Variants in PPAN observed in about 807,000 individuals in gnomAD.
PPAN encodes suppressor of SWI4 1 homolog.
Under a neutral mutation model 48.5 loss-of-function variants are expected in PPAN, and 39 were observed. The observed-to-expected ratio is 0.80, with a 90% confidence interval of 0.62 to 1.05. The LOEUF (loss-of-function observed/expected upper bound fraction) is 1.05. Among genes scored for constraint, PPAN ranks in the 50% least tolerant of loss-of-function variants. PPAN has a pLI of 0.00. For synonymous variants in PPAN, 315 were observed against 268.6 expected (o/e 1.17, Z -1.69); for missense variants, 736 against 661.7 (o/e 1.11, Z -1.23).
rs1471297873 is a variant in PPAN, at chr19:10,106,493, C to T, written c.19-8C>T. ...GCGGCGCTGACCCTTTGTCTCTCGT[C>T]GCCGCAGTCCCGGCACCAGAAGCGC... On this transcript the variant is annotated splice_region_variant and splice_polypyrimidine_tract_variant and intron_variant, in intron 1 of 11. Transcript: ENST00000253107. The T allele has an allele frequency of 6.5e-7, 1 of 1,549,722 alleles. No homozygotes were observed. Among genetic ancestry groups the T allele is most frequent in the Non-Finnish European group, 8.7e-7 (1 of 1,146,226 alleles).
chr19:10,106,836 C>T, intron 2 of PPAN, 165 bp downstream of exon 2: 1 of 1,171,516 alleles, frequency 8.5e-7, no homozygotes, highest in East Asian at 2.7e-5. Flanking sequence ...TTTTGCTGGG[C>T]TGGAGTGAGG....
rs376685309 is a variant in PPAN, at chr19:10,107,970, C to T, written c.349C>T (p.Leu117=). ...TLTFQVKKYS[L]VRDVVSSLRR... ...CCTCTCTCCTGTCCTACAGTACTCG[C>T]TGGTGCGTGATGTGGTCTCCTCACT... Residue 117 remains leucine, a synonymous_variant, in exon 5 of 12, where the codon CTG becomes TTG. Transcript: ENST00000253107. 6.2e-7 allele frequency: 1 copy of T among 1,607,554 alleles called. No homozygotes were observed. Among genetic ancestry groups the T allele is most frequent in the Admixed American group, 1.7e-5 (1 of 59,546 alleles).
In PPAN at chr19:10,107,580, A is replaced by G. The variant is rs777533945; in HGVS notation, c.265A>G (p.Ser89Gly). 1 of 1,614,070 alleles carries G rather than the reference A, an allele frequency of 6.2e-7. No individual in the cohort carries two copies. The highest frequency in any genetic ancestry group is 8.5e-7 in the Non-Finnish European group (1 of 1,180,008). Residue 89 changes from serine (S) to glycine (G), a missense_variant, in exon 3 of 12, where the codon AGC (serine) becomes GGC (glycine). Ser to Gly is a moderately conservative substitution (Grantham distance 56). Transcript: ENST00000253107. ...CGGGGTCACACACTTTCTGATCCTG[A>G]GCAAAACAGAGACCAATGTCTACTT... The part of the protein sequence containing the change: ...PLGVTHFLIL[S>G]KTETNVYFKL...
At chr19:10,108,172 T>C in intron 5 of PPAN, 38 bp downstream of exon 5, 1 of 1,575,492 alleles carries the variant, frequency 6.3e-7, no homozygotes, top group Non-Finnish European at 8.6e-7. Context: ...TATGGGGGGG[T>C]GCAGCGGATA....
At chr19:10,109,463 G>C (rs2088962757) in intron 5 of PPAN, among the ~76,000 whole-genome samples, 168 bp from the exon 6 acceptor site, 1 of 152,172 alleles carries the variant, frequency 6.6e-6, no homozygotes, top group Non-Finnish European at 1.5e-5. Flanking sequence ...GGCTCAGGCA[G>C]TCCCACCACT....
In PPAN at chr19:10,111,296, A is replaced by G. The variant is rs536806970; in HGVS notation, c.*131A>G. 3.5e-6 allele frequency: 4 copies of G among 1,127,756 alleles called. No individual in the cohort carries two copies. In the Admixed American group the frequency reaches 8.7e-5, roughly 24 times the overall value. 69.9% of individuals were successfully genotyped at this position (1,127,756 alleles called of 1,614,324 possible). ...ACTCCAGTAAAGAACTGAATTGGCC[A>G]GGGGTCCACGTCAGCGTTTGGGATG... On this transcript the variant is annotated 3_prime_UTR_variant, in exon 12 of 12. Coordinates refer to ENST00000253107, the MANE Select transcript of PPAN (RefSeq NM_020230.7).
chr19:10,110,225 G>C lies in PPAN; in HGVS notation c.801G>C (p.Gln267His), dbSNP rs1437332290. Residue 267 changes from glutamine to histidine, a missense_variant, in exon 8 of 12, where the codon CAG becomes CAC. Transcript: ENST00000253107. The surrounding 1 kb of genome is among the most constrained non-coding windows in gnomAD (Gnocchi z 5.9). The part of the protein sequence containing the change: ...VAGRGNMRAQ[Q>H]SAVRLTEIGP... Reference sequence around the variant, plus strand: ...GCCGTGGCAACATGCGGGCCCAGCAGAGTGCAGTGCGGCTCACCGAGGTGA... The same window carrying C: ...GCCGTGGCAACATGCGGGCCCAGCACAGTGCAGTGCGGCTCACCGAGGTGA... 1 of 1,611,450 alleles carries C rather than the reference G, an allele frequency of 6.2e-7. No individual in the cohort carries two copies. Among genetic ancestry groups the C allele is most frequent in the Non-Finnish European group, 8.5e-7 (1 of 1,179,782 alleles).
At position 10,111,517 on chromosome 19, in the gene PPAN, A is replaced by G. The variant is rs1309892357; in HGVS notation, c.*352A>G. On this transcript the variant is annotated 3_prime_UTR_variant, in exon 12 of 12. Transcript: ENST00000253107. ...AAAGAGCCGTGCAAGCAGACAGGTC[A>G]CACTTTCAGCAGATGAGCTTGAACC... The G allele has an allele frequency of 4.6e-6, 3 of 659,172 alleles. No individual in the cohort carries two copies. The highest frequency in any genetic ancestry group is 7.9e-6 in the Non-Finnish European group (3 of 381,110). 40.8% of individuals were successfully genotyped at this position (659,172 alleles called of 1,614,324 possible).
chr19:10,106,991 A>G, intron 2 of PPAN: 1 of 628,402 alleles, frequency 1.6e-6, no homozygotes, highest in Non-Finnish European at 2.9e-6. Context: ...ATTCGAGACC[A>G]GCCTGAGCAG....
At chr19:10,108,963 C>CTT (rs1304271167) in intron 5 of PPAN, among the ~76,000 whole-genome samples, 3,265 of 138,560 alleles carry the variant, frequency 0.024, 149 homozygotes, top group African/African-American at 0.08. Context: ...TCTTGTTTAC[C>CTT]TTTTTTTTTT....
rs11559189 is a variant in PPAN at position 10,106,662 on chromosome 19, C to T, written c.180C>T (p.Ser60=). Reference sequence around the variant, plus strand: ...GGGTCATGGAGCCGCTCACTGCCAGCCGTCTGCAGGTTTGTACCCCACCCC... The same window carrying T: ...GGGTCATGGAGCCGCTCACTGCCAGTCGTCTGCAGGTTTGTACCCCACCCC... ...VRRVMEPLTA[S]RLQVRKKNSL... is the part of the protein sequence containing the mutation. Residue 60 remains serine, a synonymous_variant, in exon 2 of 12, where the codon AGC becomes AGT. Coordinates refer to ENST00000253107, the MANE Select transcript of PPAN (RefSeq NM_020230.7). 9,140 of 1,536,834 alleles carry T rather than the reference C, an allele frequency of 5.9e-3. 494 individuals are homozygous for T. In the African/African-American group the frequency reaches 0.11, roughly 19 times the overall value.
At position 10,110,861 on chromosome 19, in the gene PPAN, G is replaced by A. The variant is rs745707248; in HGVS notation, c.1196G>A (p.Ser399Asn). 1.2e-6 allele frequency: 2 copies of A among 1,613,476 alleles called. No individual in the cohort carries two copies. The highest frequency in any genetic ancestry group is 8.5e-7 in the Non-Finnish European group (1 of 1,179,882). Residue 399 changes from serine to asparagine, a missense_variant, in exon 11 of 12, where the codon AGT (serine) becomes AAT (asparagine). Coordinates refer to ENST00000253107, the MANE Select transcript of PPAN (RefSeq NM_020230.7). This position sits in a 1 kb window ranked among gnomAD's most constrained non-coding sequence, Gnocchi z 5.9. The part of the protein sequence containing the change: ...YFCQAVGEAP[S>N]EDLFPEAKQK... ...TGCCAGGCGGTGGGCGAGGCGCCCAGTGAGGGTATGGAGTGGGGTCTGCAG... is the reference window on the plus strand; with the variant it reads ...TGCCAGGCGGTGGGCGAGGCGCCCAATGAGGGTATGGAGTGGGGTCTGCAG...
Position 10,111,862 on chromosome 19 carries a change from A to C in PPAN, c.*697A>C. On this transcript the variant is annotated 3_prime_UTR_variant, in exon 12 of 12. Transcript: ENST00000253107. Reference sequence around the variant, plus strand: ...CACGGTGGCTCACGCCTGTAATCCCAGCACTTTGGGAGGTCGAGGGGGGTG... The same window carrying C: ...CACGGTGGCTCACGCCTGTAATCCCCGCACTTTGGGAGGTCGAGGGGGGTG... 8.3e-7 allele frequency: 1 copy of C among 1,204,082 alleles called. No individual in the cohort carries two copies. The highest frequency in any genetic ancestry group is 1.3e-5 in the South Asian group (1 of 76,508). 74.6% of individuals were successfully genotyped at this position (1,204,082 alleles called of 1,614,324 possible).
intron 2 of PPAN, 90 bp from the exon 3 acceptor site, chr19:10,107,415 A>G: frequency 7.2e-7 from 1 of 1,397,632 alleles, no homozygotes; most frequent in Non-Finnish European, 9.8e-7. Context: ...CAGATGCAAG[A>G]CAGACCATAA....
At position 10,106,458 on chromosome 19, in the gene PPAN, G is replaced by C. The variant is rs373410012; in HGVS notation, c.19-43G>C. 8.4e-6 allele frequency: 13 copies of C among 1,547,148 alleles called. No homozygotes were observed. In the East Asian group the frequency reaches 3.2e-4, roughly 38 times the overall value. The stretch of plus-strand genomic sequence containing the variant: ...AGGCAGGTGGCGCAGGTGGGGTCCC[G>C]GCCGAGGTCGCGGCGCTGACCCTTT... On this transcript the variant is annotated intron_variant, in intron 1 of 11. Transcript: ENST00000253107.
At position 10,110,302 on chromosome 19, in the gene PPAN, C is replaced by T. The variant is rs370923710; in HGVS notation, c.823-22C>T. ...TCCACCAGTCCCAACGGTGGGCTGA[C>T]GCTTCTTCCTCGTCCCCTCAGATCG... On this transcript the variant is annotated intron_variant, in intron 8 of 11. Coordinates refer to ENST00000253107, the MANE Select transcript of PPAN (RefSeq NM_020230.7). The surrounding 1 kb of genome is among the most constrained non-coding windows in gnomAD (Gnocchi z 5.9). 35 of 1,613,358 alleles carry T rather than the reference C, an allele frequency of 2.2e-5. No homozygotes were observed. The African/African-American group carries it at 2.4e-4, about 11-fold the overall frequency.
chr19:10,111,414 T>C lies in PPAN; in HGVS notation c.*249T>C. On this transcript the variant is annotated 3_prime_UTR_variant, in exon 12 of 12. Coordinates refer to ENST00000253107, the MANE Select transcript of PPAN (RefSeq NM_020230.7). ...ACCTGGTTTCTTCCTGGAAGCTGGG[T>C]CTCTCCCCTACCCTGCACGGGGTTG... 1.6e-6 allele frequency: 1 copy of C among 633,232 alleles called. No homozygotes were observed. The allele number at this position is 633,232 out of a possible 1,614,324, so 39.2% of individuals were successfully genotyped here.
rs371648303 is a variant in PPAN, at chr19:10,111,131, G to A, written c.1388G>A (p.Arg463Gln). The change falls in exon 12 of 12, where the codon CGG becomes CAG. Residue 463 changes from arginine (R) to glutamine (Q), a missense_variant. Physicochemically the swap from Arg to Gln is conservative, Grantham distance 43. Coordinates refer to ENST00000253107, the MANE Select transcript of PPAN (RefSeq NM_020230.7). ...GCTTCCCGGGATGGTGGGCGAGGCC[G>A]GGGCCGGGGCCGCCCAGGGAAGAGA... ...RGASRDGGRG[R>Q]GRGRPGKRVA 3.3e-5 allele frequency: 53 copies of A among 1,604,670 alleles called. No homozygotes were observed. Among genetic ancestry groups the A allele is most frequent in the Middle Eastern group, 1.7e-4 (1 of 5,810 alleles).
rs777962338 is a variant in PPAN, at chr19:10,107,862, GGGTGGA to G, written c.342+14_342+19del. 3 of 1,612,816 alleles carry G rather than the reference GGGTGGA, an allele frequency of 1.9e-6. No homozygotes were observed. The highest frequency in any genetic ancestry group is 2.5e-6 in the Non-Finnish European group (3 of 1,178,900). Reference sequence around the variant, plus strand: ...ACCTTCCAGGTCAAGAAGGTGAGAGGGGTGGAGGTGGTACAAAGCCATGTGGGGTGG... The same window carrying G: ...ACCTTCCAGGTCAAGAAGGTGAGAGGGGTGGTACAAAGCCATGTGGGGTGG... On this transcript the variant is annotated intron_variant, in intron 4 of 11. Transcript: ENST00000253107.
Sources: allele counts gnomAD v4.1 joint callset (sites outside exome capture counted in the v4.1 genomes callset), GRCh38; gene constraint gnomAD v4.1.1; non-coding constraint Gnocchi (gnomAD v3.1); transcripts MANE v1.5; gene names NCBI Gene and HGNC (gene_info 2026-07-23, HGNC 2026-07-21).